Variants in ZNF214 observed in about 807,000 individuals in gnomAD.
ZNF214 encodes BWSCR2-associated zinc finger protein 1.
In ZNF214, 43 loss-of-function variants were observed where a neutral mutation model predicts 53.9. The ratio of observed to expected loss-of-function variants is 0.80; its 90% CI spans 0.63 to 1.03. The LOEUF is 1.03. Among genes scored for constraint, ZNF214 ranks in the 50% least tolerant of loss-of-function variants. The probability of loss-of-function intolerance (pLI) is 0.00; values close to 1 mark genes in which losing one functional copy is unlikely to be tolerated. For synonymous variants in ZNF214, 217 were observed against 229.5 expected, an observed-to-expected ratio of 0.95 and a Z score of 0.49; for missense variants, 724 against 719.1, an observed-to-expected ratio of 1.01 and a Z score of -0.08.
chr11:7,005,728 A>C (rs1410666372), intron 1 of ZNF214, among the ~76,000 whole-genome samples: 1 of 152,076 alleles, frequency 6.6e-6, no homozygotes, highest in Admixed American at 6.6e-5. Context: ...TTTCACTAAA[A>C]GTTTTAGCAA....
chr11:7,018,710 C>T (rs961979528), intron 1 of ZNF214, among the ~76,000 whole-genome samples: 1 of 151,982 alleles, frequency 6.6e-6, no homozygotes, highest in African/African-American at 2.4e-5. Flanking sequence ...CCATGTGGGC[C>T]AGGCTGGTCT....
chr11:7,009,380 A>C (rs1201479503), intron 1 of ZNF214, among the ~76,000 whole-genome samples: 2 of 152,200 alleles, frequency 1.3e-5, no homozygotes, highest in Non-Finnish European at 2.9e-5. Context: ...CCATATGCAG[A>C]AGATTGAAAC....
rs960220912 is a variant in ZNF214 at position 6,997,746 on chromosome 11, A to G, written c.*2116T>C. Among the ~76,000 whole-genome samples the G allele has an allele frequency of 1.3e-5, 2 of 151,872 alleles. No individual in the cohort carries two copies. The highest frequency in any genetic ancestry group is 1.3e-4 in the Admixed American group (2 of 15,212). On this transcript the variant is annotated 3_prime_UTR_variant, in exon 3 of 3. Coordinates refer to ENST00000278314, the MANE Select transcript of ZNF214 (RefSeq NM_013249.4). Reference sequence around the variant, plus strand: ...AATGACCAGTTAAATTTGAATTTCAAATGTATGAAATTTTAGTGTAAGTCC... The same window carrying G: ...AATGACCAGTTAAATTTGAATTTCAGATGTATGAAATTTTAGTGTAAGTCC...
At chr11:7,005,911 A>T (rs1851461390) in intron 1 of ZNF214, among the ~76,000 whole-genome samples, 1 of 152,112 alleles carries the variant, frequency 6.6e-6, no homozygotes, top group Non-Finnish European at 1.5e-5. Flanking sequence ...AAAAGATAAG[A>T]TAAAATGCTT....
chr11:7,010,154 A>T, intron 1 of ZNF214, among the ~76,000 whole-genome samples: 1 of 152,166 alleles, frequency 6.6e-6, no homozygotes, highest in Non-Finnish European at 1.5e-5. Context: ...AATAGCAAAG[A>T]CATGGAATCA....
At position 6,997,522 on chromosome 11, in the gene ZNF214, T is replaced by A. The variant is rs1426986515; in HGVS notation, c.*2340A>T. Among the ~76,000 whole-genome samples, 1 of 151,646 alleles carries A rather than the reference T, an allele frequency of 6.6e-6. No individual in the cohort carries two copies. Among genetic ancestry groups the A allele is most frequent in the Non-Finnish European group, 1.5e-5 (1 of 67,770 alleles). On this transcript the variant is annotated 3_prime_UTR_variant, in exon 3 of 3. Coordinates refer to ENST00000278314, the MANE Select transcript of ZNF214 (RefSeq NM_013249.4). The stretch of plus-strand genomic sequence containing the variant: ...AGACTGAATAATTTTTGCTTTTATC[T>A]TCTCCCATTTTGAAAGGTATATGCA...
chr11:7,017,549 C>G (rs979168774), intron 1 of ZNF214, among the ~76,000 whole-genome samples: 1 of 151,980 alleles, frequency 6.6e-6, no homozygotes, highest in Admixed American at 6.6e-5. Flanking sequence ...CCAGCCTGGG[C>G]AACACGGTGA....
In ZNF214 at chr11:6,999,545, T is replaced by TATAA. The variant is rs1554949294; in HGVS notation, c.*316_*317insTTAT. 3.6e-5 allele frequency: 6 copies of TATAA among 166,554 alleles called. No homozygotes were observed. The highest frequency in any genetic ancestry group is 7.4e-5 in the Non-Finnish European group (6 of 81,544). The allele number at this position is 166,554 out of a possible 1,614,324, so 10.3% of individuals were successfully genotyped here. On this transcript the variant is annotated 3_prime_UTR_variant, in exon 3 of 3. Coordinates refer to ENST00000278314, the MANE Select transcript of ZNF214 (RefSeq NM_013249.4). ...TGAAAATACAAAATTGAACACACAA[T>TATAA]TTCATGCACATTAAAATGCACAGAA...
chr11:7,001,584 T>C, intron 2 of ZNF214, 29 bp from the exon 3 acceptor site: 2 of 1,556,890 alleles, frequency 1.3e-6, no homozygotes, highest in Non-Finnish European at 1.7e-6. Flanking sequence ...AATCCCATGG[T>C]GAGATAAAAG....
chr11:7,004,714 T>G (rs1299987681), intron 1 of ZNF214, among the ~76,000 whole-genome samples: 2 of 152,092 alleles, frequency 1.3e-5, no homozygotes, highest in Non-Finnish European at 2.9e-5. Flanking sequence ...ACTGGGACCT[T>G]CTGCTTTCGT....
chr11:7,019,218 T>C (rs1014939601), intron 1 of ZNF214, among the ~76,000 whole-genome samples: 1 of 152,124 alleles, frequency 6.6e-6, no homozygotes, highest in Non-Finnish European at 1.5e-5. Context: ...AAATTTCCCA[T>C]ATACTAACTG....
At chr11:7,012,879 A>T (rs1354925326) in intron 1 of ZNF214, among the ~76,000 whole-genome samples, 3 of 152,182 alleles carry the variant, frequency 2.0e-5, no homozygotes, top group Non-Finnish European at 4.4e-5. Flanking sequence ...ATAATTATTT[A>T]CTATTTCTTA....
chr11:7,014,773 C>G (rs1378651561), intron 1 of ZNF214, among the ~76,000 whole-genome samples: 1 of 146,570 alleles, frequency 6.8e-6, no homozygotes, highest in African/African-American at 2.5e-5. Flanking sequence ...TCGAGACCAG[C>G]CTGGCCAACA....
intron 2 of ZNF214, among the ~76,000 whole-genome samples, chr11:7,001,762 T>A (rs1444884977): frequency 5.3e-5 from 8 of 152,012 alleles, no homozygotes; most frequent in Admixed American, 5.3e-4. Context: ...ACTTATTTAT[T>A]CATTCCACAA....
At chr11:7,004,114 A>G (rs1229552640) in intron 1 of ZNF214, among the ~76,000 whole-genome samples, 1 of 151,934 alleles carries the variant, frequency 6.6e-6, no homozygotes, top group Non-Finnish European at 1.5e-5. Flanking sequence ...TTTTTAAAAA[A>G]TTTAAGGATT....
At chr11:7,011,148 G>C (rs1165717183) in intron 1 of ZNF214, among the ~76,000 whole-genome samples, 1 of 151,990 alleles carries the variant, frequency 6.6e-6, no homozygotes, top group Non-Finnish European at 1.5e-5. Flanking sequence ...CAAAAGTAGA[G>C]AGTGAAAATT....
intron 1 of ZNF214, among the ~76,000 whole-genome samples, chr11:7,011,243 T>C (rs533719480): frequency 6.6e-6 from 1 of 152,188 alleles, no homozygotes; most frequent in Admixed American, 6.5e-5. Context: ...TACAGGCACA[T>C]TTGTAAATTT....
At position 7,000,580 on chromosome 11, in the gene ZNF214, T is replaced by A; in HGVS notation, c.1103A>T (p.Asn368Ile). 1.2e-6 allele frequency: 2 copies of A among 1,611,216 alleles called. No individual in the cohort carries two copies. The highest frequency in any genetic ancestry group is 1.7e-6 in the Non-Finnish European group (2 of 1,178,846). The change falls in exon 3 of 3, where the codon AAT becomes ATT. Residue 368 changes from asparagine to isoleucine, a missense_variant. Transcript: ENST00000278314. ...ATGAACATGAAGTACTGAACTCCGA[T>A]TAAAACTCTTACCACACTGATTACA... is the stretch of plus-strand genomic sequence containing the variant. ...FKCNQCGKSF[N>I]RSSVLHVHQR...
chr11:7,011,880 C>T (rs1231810813), intron 1 of ZNF214, among the ~76,000 whole-genome samples: 3 of 151,804 alleles, frequency 2.0e-5, no homozygotes, highest in East Asian at 1.9e-4. Context: ...GAAAAAAAAC[C>T]CTATCTTAAC....
Sources: allele counts gnomAD v4.1 joint callset (sites outside exome capture counted in the v4.1 genomes callset), GRCh38; gene constraint gnomAD v4.1.1; transcripts MANE v1.5; gene names NCBI Gene and HGNC (gene_info 2026-07-23, HGNC 2026-07-21).